The following HCRTR2 variants were observed in gnomAD, a reference collection of about 807,000 sequenced individuals.
HCRTR2 encodes the protein hypocretin receptor 2, also known as orexin receptor type 2.
Under a neutral mutation model 49.0 loss-of-function variants are expected in HCRTR2, and 22 were observed. That is an observed-to-expected ratio of 0.45 (90% CI 0.32 to 0.64). The LOEUF (loss-of-function observed/expected upper bound fraction) is 0.64, where lower values mean the gene tolerates loss of function less well. Among genes scored for constraint, HCRTR2 ranks in the 30% least tolerant of loss-of-function variants. The pLI is 0.04. For synonymous variants in HCRTR2, 236 were observed against 205.3 expected, an observed-to-expected ratio of 1.15 and a Z score of -1.28; for missense variants, 491 against 559.4, an observed-to-expected ratio of 0.88 and a Z score of 1.23.
intron 1 of HCRTR2, among the ~76,000 whole-genome samples, chr6:55,225,973 G>C (rs1045690654): frequency 6.6e-6 from 1 of 152,178 alleles, no homozygotes. Context: ...CTGTTAAAAA[G>C]ACAGCCTAAG....
chr6:55,142,454 C>T (rs751540930), intron 1 of HCRTR2, among the ~76,000 whole-genome samples: 8 of 151,658 alleles, frequency 5.3e-5, no homozygotes, highest in African/African-American at 9.7e-5. Context: ...GTGATCCACC[C>T]GCTTCGGCCT....
chr6:55,123,239 A>G lies in HCRTR2; in HGVS notation c.-378+16694A>G, dbSNP rs574330156. 2.1e-3 allele frequency among the ~76,000 whole-genome samples: 326 copies of G among 152,206 alleles called. 1 individual carries two copies. Among genetic ancestry groups the G allele is most frequent in the African/African-American group, 7.7e-3 (320 of 41,560 alleles). On this transcript the variant is annotated intron_variant, in intron 1 of 7. Transcript: ENST00000615358. ...AAGGGAATGCTTCCAGGTTTTGCCC[A>G]TTCAGTATGATATTAGCTGTAGGTT...
intron 1 of HCRTR2, among the ~76,000 whole-genome samples, chr6:55,129,188 T>G (rs1193738406): frequency 6.6e-6 from 1 of 152,160 alleles, no homozygotes; most frequent in Admixed American, 6.6e-5. Flanking sequence ...TGCTGATGAC[T>G]CATAAATATT....
chr6:55,116,596 T>G (rs565334039), intron 1 of HCRTR2, among the ~76,000 whole-genome samples: 1 of 150,876 alleles, frequency 6.6e-6, no homozygotes, highest in African/African-American at 2.4e-5. Context: ...TTGAAATACC[T>G]AGAATACAAT....
At chr6:55,155,455 G>A (rs776459740) in intron 1 of HCRTR2, among the ~76,000 whole-genome samples, 3 of 151,870 alleles carry the variant, frequency 2.0e-5, no homozygotes, top group African/African-American at 4.8e-5. Flanking sequence ...AAAAGCCAAC[G>A]GAGTCTAAAT....
intron 1 of HCRTR2, among the ~76,000 whole-genome samples, chr6:55,135,464 T>C (rs1286324031): frequency 6.6e-6 from 1 of 152,108 alleles, no homozygotes; most frequent in Non-Finnish European, 1.5e-5. Flanking sequence ...ATGGTTTAAA[T>C]GTATTCCTGA....
intron 6 of HCRTR2, 78 bp downstream of exon 6, chr6:55,280,522 G>A (rs1172093683): frequency 7.6e-6 from 12 of 1,587,364 alleles, no homozygotes; most frequent in Non-Finnish European, 9.4e-6. Context: ...TCAACTATAT[G>A]AGGAGTTTAG....
intron 1 of HCRTR2, among the ~76,000 whole-genome samples, chr6:55,131,495 T>C (rs753081740): frequency 4.0e-5 from 6 of 151,834 alleles, no homozygotes; most frequent in Non-Finnish European, 8.9e-5. Flanking sequence ...TTCCTGCAAT[T>C]ACTTATGTGG....
At chr6:55,198,052 C>T (rs1581823603) in intron 1 of HCRTR2, among the ~76,000 whole-genome samples, 2 of 152,186 alleles carry the variant, frequency 1.3e-5, no homozygotes, top group African/African-American at 4.8e-5. Flanking sequence ...CTCAATTCCA[C>T]CCAACCCCAA....
chr6:55,135,110 G>A (rs1432091311), intron 1 of HCRTR2, among the ~76,000 whole-genome samples: 1 of 152,014 alleles, frequency 6.6e-6, no homozygotes, highest in Non-Finnish European at 1.5e-5. Context: ...AGGAATTAAT[G>A]AAATGGCAAC....
At chr6:55,162,635 CA>C (rs1216823354) in intron 1 of HCRTR2, among the ~76,000 whole-genome samples, 1 of 152,180 alleles carries the variant, frequency 6.6e-6, no homozygotes, top group Non-Finnish European at 1.5e-5. Context: ...GCAACTTCAG[CA>C]AAGTCTCAGG....
chr6:55,250,498 T>G (rs1766528497), intron 2 of HCRTR2, among the ~76,000 whole-genome samples: 1 of 152,160 alleles, frequency 6.6e-6, no homozygotes, highest in African/African-American at 2.4e-5. Context: ...CCCAGAATCT[T>G]CAACTGACTG....
intron 1 of HCRTR2, among the ~76,000 whole-genome samples, chr6:55,243,348 G>C (rs1369088370): frequency 6.6e-6 from 1 of 152,022 alleles, no homozygotes; most frequent in Non-Finnish European, 1.5e-5. Flanking sequence ...GTGTTTAATG[G>C]TTATTCACAG....
At chr6:55,141,884 A>G (rs1348233727) in intron 1 of HCRTR2, among the ~76,000 whole-genome samples, 2 of 152,230 alleles carry the variant, frequency 1.3e-5, no homozygotes, top group Non-Finnish European at 2.9e-5. Context: ...TAAAAGCTAT[A>G]GAAACCCATG....
chr6:55,270,796 A>T (rs1377166841), intron 4 of HCRTR2, among the ~76,000 whole-genome samples: 1 of 152,200 alleles, frequency 6.6e-6, no homozygotes, highest in African/African-American at 2.4e-5. Flanking sequence ...AAAAACTCAC[A>T]TCTGAAACAC....
intron 1 of HCRTR2, among the ~76,000 whole-genome samples, chr6:55,191,494 A>G (rs1765314450): frequency 6.6e-6 from 1 of 152,188 alleles, no homozygotes; most frequent in African/African-American, 2.4e-5. Context: ...TGTCATGGAA[A>G]GAATTGAAGG....
At chr6:55,116,145 A>G (rs1360274316) in intron 1 of HCRTR2, among the ~76,000 whole-genome samples, 1 of 151,638 alleles carries the variant, frequency 6.6e-6, no homozygotes, top group Non-Finnish European at 1.5e-5. Context: ...ACAGAATTAT[A>G]TGTAAAGCTT....
chr6:55,135,543 T>G (rs1252421421), intron 1 of HCRTR2, among the ~76,000 whole-genome samples: 1 of 152,154 alleles, frequency 6.6e-6, no homozygotes, highest in Non-Finnish European at 1.5e-5. Flanking sequence ...ATCAGTTGCT[T>G]CAGTTTGTGT....
Position 55,174,663 on chromosome 6 carries a change from G to A in HCRTR2, c.76G>A (p.Glu26Lys). The A allele has an allele frequency of 6.2e-7, 1 of 1,614,036 alleles. No individual in the cohort carries two copies. Among genetic ancestry groups the A allele is most frequent in the Non-Finnish European group, 8.5e-7 (1 of 1,180,004 alleles). Reference sequence around the variant, plus strand: ...TGCTTCGGAGCTGAATGAAACTCAAGAGCCCTTTTTAAACCCCACCGACTA... The same window carrying A: ...TGCTTCGGAGCTGAATGAAACTCAAAAGCCCTTTTTAAACCCCACCGACTA... ...SSASELNETQ[E>K]PFLNPTDYDD... Residue 26 changes from glutamate (E) to lysine (K), a missense_variant, in exon 1 of 7, where the codon GAG (glutamate) becomes AAG (lysine). Glu to Lys is a moderately conservative substitution (Grantham distance 56, BLOSUM62 1). Coordinates refer to ENST00000370862, the MANE Select transcript of HCRTR2 (RefSeq NM_001384272.1).
Sources: allele counts gnomAD v4.1 joint callset (sites outside exome capture counted in the v4.1 genomes callset), GRCh38; gene constraint gnomAD v4.1.1; transcripts MANE v1.5; gene names NCBI Gene and HGNC (gene_info 2026-07-23, HGNC 2026-07-21).